LIPI: variants seen among roughly 807,000 people sequenced by gnomAD.
The protein encoded by LIPI is lipase member I.
LIPI carries 59 observed loss-of-function variants against 50.6 expected under a neutral mutation model. That is an observed-to-expected ratio of 1.16 (90% CI 0.94 to 1.45). The LOEUF (loss-of-function observed/expected upper bound fraction) is 1.45, where lower values mean the gene tolerates loss of function less well. Ranked by LOEUF, LIPI falls within the 40% of genes most tolerant of loss-of-function variation. The pLI, the probability that LIPI is intolerant of heterozygous loss-of-function variation, is 0.00. For missense variants in LIPI, 586 were observed against 536.3 expected, an observed-to-expected ratio of 1.09 and a Z score of -0.92; for synonymous variants, 203 against 178.2, an observed-to-expected ratio of 1.14 and a Z score of -1.11.
At chr21:14,152,115 ATTTG>A (rs1197013781) in intron 8 of LIPI, among the ~76,000 whole-genome samples, 2 of 134,822 alleles carry the variant, frequency 1.5e-5, no homozygotes, top group African/African-American at 5.9e-5. Context: ...TTATTTATTT[ATTTG>A]AAATGGAGTC....
At chr21:14,168,654 A>T (rs1490031260) in intron 4 of LIPI, among the ~76,000 whole-genome samples, 1 of 152,208 alleles carries the variant, frequency 6.6e-6, no homozygotes, top group Non-Finnish European at 1.5e-5. Context: ...CTTTACAGAC[A>T]AGCAAATGCT....
At chr21:14,162,078 G>C (rs2018518116) in intron 7 of LIPI, among the ~76,000 whole-genome samples, 1 of 148,286 alleles carries the variant, frequency 6.7e-6, no homozygotes. Flanking sequence ...TAGATAGATA[G>C]ATAGATCAAT....
intron 1 of LIPI, 120 bp from the exon 2 acceptor site, chr21:14,189,539 A>G: frequency 1.2e-6 from 1 of 852,778 alleles, no homozygotes; most frequent in South Asian, 1.6e-5. Flanking sequence ...GAGCCCTTCA[A>G]CATAATTTAC....
chr21:14,167,429 C>T (rs553385012), intron 4 of LIPI, among the ~76,000 whole-genome samples: 1 of 152,302 alleles, frequency 6.6e-6, no homozygotes, highest in African/African-American at 2.4e-5. Context: ...GTCCCTGACC[C>T]CCGACCTCCA....
chr21:14,184,757 T>G (rs539081672), intron 3 of LIPI, among the ~76,000 whole-genome samples: 3 of 152,336 alleles, frequency 2.0e-5, no homozygotes, highest in East Asian at 3.9e-4. Context: ...AGTGTGGTTT[T>G]GGAAAGAGAA....
intron 4 of LIPI, among the ~76,000 whole-genome samples, chr21:14,181,526 T>C (rs1019793759): frequency 6.6e-6 from 1 of 152,138 alleles, no homozygotes; most frequent in African/African-American, 2.4e-5. Flanking sequence ...TAGGATGACA[T>C]GACACATCTT....
At chr21:14,191,371 C>T (rs1252361866) in intron 1 of LIPI, among the ~76,000 whole-genome samples, 3 of 117,346 alleles carry the variant, frequency 2.6e-5, no homozygotes, top group South Asian at 2.8e-4. Flanking sequence ...AGCAAGACTC[C>T]GTCTCAAAAA....
At chr21:14,165,705 T>C (rs1729396676) in intron 5 of LIPI, among the ~76,000 whole-genome samples, 1 of 152,200 alleles carries the variant, frequency 6.6e-6, no homozygotes, top group Admixed American at 6.5e-5. Flanking sequence ...ATCTTTTCCT[T>C]CTAATACTGC....
intron 9 of LIPI, among the ~76,000 whole-genome samples, chr21:14,138,536 A>C (rs1294589109): frequency 6.6e-6 from 1 of 152,068 alleles, no homozygotes; most frequent in Non-Finnish European, 1.5e-5. Flanking sequence ...AAATTTTATT[A>C]ATTTTTTAAT....
chr21:14,191,944 A>G (rs765023070), intron 1 of LIPI, among the ~76,000 whole-genome samples: 9 of 152,210 alleles, frequency 5.9e-5, no homozygotes, highest in Non-Finnish European at 8.8e-5. Flanking sequence ...ACCCCAGCTG[A>G]CTGACAGTCA....
chr21:14,142,018 T>C (rs1037105286), intron 9 of LIPI, among the ~76,000 whole-genome samples: 2 of 152,158 alleles, frequency 1.3e-5, no homozygotes, highest in Admixed American at 1.3e-4. Context: ...ATTTAGAAGG[T>C]ATTAATAAGG....
At chr21:14,182,816 C>A (rs1230340840) in intron 3 of LIPI, among the ~76,000 whole-genome samples, 1 of 152,008 alleles carries the variant, frequency 6.6e-6, no homozygotes, top group African/African-American at 2.4e-5. Context: ...GAACTACAAA[C>A]CACTGCTCAA....
chr21:14,153,052 A>G (rs1188992957), intron 7 of LIPI, among the ~76,000 whole-genome samples: 3 of 152,204 alleles, frequency 2.0e-5, no homozygotes, highest in Admixed American at 6.5e-5. Context: ...GAATATGGTA[A>G]GATTTCTTAA....
At chr21:14,156,350 G>A (rs993186728) in intron 7 of LIPI, among the ~76,000 whole-genome samples, 2 of 151,784 alleles carry the variant, frequency 1.3e-5, no homozygotes, top group Admixed American at 6.6e-5. Flanking sequence ...CAGAAACAGA[G>A]ATGTCGTGCA....
chr21:14,144,553 C>A, intron 9 of LIPI, 70 bp downstream of exon 9: 2 of 795,296 alleles, frequency 2.5e-6, no homozygotes, highest in Non-Finnish European at 4.3e-6. Context: ...ATTTTTAAAC[C>A]ATTACTTAAG....
intron 4 of LIPI, among the ~76,000 whole-genome samples, chr21:14,176,787 T>C (rs1002068511): frequency 5.3e-5 from 8 of 151,222 alleles, no homozygotes; most frequent in East Asian, 1.9e-4. Flanking sequence ...ATTTATTTAT[T>C]CTTTTATTAT....
intron 4 of LIPI, among the ~76,000 whole-genome samples, chr21:14,168,905 G>T (rs2018790709): frequency 1.3e-5 from 2 of 151,514 alleles, no homozygotes; most frequent in East Asian, 3.9e-4. Flanking sequence ...CCAATTAAAA[G>T]ACACAGACTG....
rs991432854 is a variant in LIPI at position 14,174,099 on chromosome 21, A to T, written c.644-7648T>A. On this transcript the variant is annotated intron_variant, in intron 4 of 9. Transcript: ENST00000681601. ...CAAGACTAGGGGTTTCCAGTTTGGA[A>T]CTGTCATTTTCTCCAACCTGCCACT... Among the ~76,000 whole-genome samples, 9 of 152,292 alleles carry T rather than the reference A, an allele frequency of 5.9e-5. No individual in the cohort carries two copies. The East Asian group carries it at 9.6e-4, about 16-fold the overall frequency.
At position 14,185,997 on chromosome 21, in the gene LIPI, C is replaced by T; in HGVS notation, c.505G>A (p.Gly169Arg). The change falls in exon 3 of 10, where the codon GGA becomes AGA. Residue 169 changes from glycine (G) to arginine (R), a missense_variant. Physicochemically the swap from Gly to Arg is moderately radical, Grantham distance 125. Coordinates refer to ENST00000681601, the MANE Select transcript of LIPI (RefSeq NM_001302998.2). ...SLGAHISGFV[G>R]KIFHGQLGRI... Reference sequence around the variant, plus strand: ...CCAAGTTGACCATGAAATATCTTTCCAACAAATCCACTGATATGAGCCCCT... The same window carrying T: ...CCAAGTTGACCATGAAATATCTTTCTAACAAATCCACTGATATGAGCCCCT... 2 of 1,598,836 alleles carry T rather than the reference C, an allele frequency of 1.3e-6. No individual in the cohort carries two copies. Among genetic ancestry groups the T allele is most frequent in the Non-Finnish European group, 1.7e-6 (2 of 1,166,742 alleles).
Sources: allele counts gnomAD v4.1 joint callset (sites outside exome capture counted in the v4.1 genomes callset), GRCh38; gene constraint gnomAD v4.1.1; transcripts MANE v1.5; gene names NCBI Gene and HGNC (gene_info 2026-07-23, HGNC 2026-07-21).